LZTFL1: variants seen among roughly 807,000 people sequenced by gnomAD.
LZTFL1 encodes leucine zipper transcription factor-like protein 1.
LZTFL1 carries 25 observed loss-of-function variants against 45.9 expected under a neutral mutation model. That is an observed-to-expected ratio of 0.54 (90% CI 0.40 to 0.76). The LOEUF is 0.76. Among genes scored for constraint, LZTFL1 ranks in the 30% least tolerant of loss-of-function variants. The probability of loss-of-function intolerance (pLI) is 0.00; values close to 1 mark genes in which losing one functional copy is unlikely to be tolerated. For synonymous variants in LZTFL1, 93 were observed against 117.4 expected (o/e 0.79, Z 1.35); for missense variants, 277 against 331.1 (o/e 0.84, Z 1.27).
upstream of LZTFL1, among the ~76,000 whole-genome samples, chr3:45,844,945 C>G (rs1436453432): frequency 2.6e-5 from 4 of 152,146 alleles, no homozygotes; most frequent in Admixed American, 2.6e-4. Context: ...ATTACTTAGC[C>G]CAAATGATAG....
intron 2 of LZTFL1, among the ~76,000 whole-genome samples, chr3:45,879,740 A>T (rs1701817803): frequency 6.6e-6 from 1 of 152,330 alleles, no homozygotes; most frequent in South Asian, 2.1e-4. Flanking sequence ...GGAAGGTGGC[A>T]CATGTGCTGC....
chr3:45,857,497 G>A (rs912460114), intron 3 of LZTFL1, among the ~76,000 whole-genome samples: 3 of 152,108 alleles, frequency 2.0e-5, no homozygotes, highest in African/African-American at 4.8e-5. Context: ...AAACCTGCAC[G>A]TCCCAGGACT....
At chr3:45,839,966 G>A (rs1050293842) in intron 1 of LZTFL1, among the ~76,000 whole-genome samples, 12 of 152,082 alleles carry the variant, frequency 7.9e-5, no homozygotes, top group African/African-American at 2.4e-4. Context: ...CTTTGGTACC[G>A]TCACAGGCTG....
chr3:45,851,840 AT>A (rs35655700), intron 4 of LZTFL1, among the ~76,000 whole-genome samples: 4 of 148,864 alleles, frequency 2.7e-5, no homozygotes, highest in Non-Finnish European at 3.0e-5. Context: ...CCTGTCTCTC[AT>A]TTTTTTTTTG....
chr3:45,905,173 AGTAAGTACC>A (rs1702656376), intron 2 of LZTFL1, among the ~76,000 whole-genome samples: 1 of 152,214 alleles, frequency 6.6e-6, no homozygotes, highest in East Asian at 1.9e-4. Flanking sequence ...GTGTGTGGTT[AGTAAGTACC>A]ACAGCCTTAG....
At chr3:45,887,138 C>T (rs895031082) in intron 2 of LZTFL1, among the ~76,000 whole-genome samples, 1 of 152,040 alleles carries the variant, frequency 6.6e-6, no homozygotes, top group Non-Finnish European at 1.5e-5. Flanking sequence ...TTCTATGATA[C>T]GGTTCTATGT....
rs558518484 is a variant in LZTFL1, at chr3:45,852,439, A to G, written c.-49+2547T>C. Among the ~76,000 whole-genome samples, 151 of 152,270 alleles carry G rather than the reference A, an allele frequency of 9.9e-4. 1 individual carries two copies. The highest frequency in any genetic ancestry group is 3.6e-3 in the African/African-American group (148 of 41,550). On this transcript the variant is annotated intron_variant, in intron 4 of 4. Transcript: ENST00000472635. The stretch of plus-strand genomic sequence containing the variant: ...AGTTTAAATGATCCTCTTATGGGGG[A>G]CTGACTAAATGAATTATGGAGCAAT...
intron 2 of LZTFL1, among the ~76,000 whole-genome samples, chr3:45,863,616 G>C (rs1701530110): frequency 6.6e-6 from 1 of 152,172 alleles, no homozygotes; most frequent in Non-Finnish European, 1.5e-5. Flanking sequence ...CTGTGACGCA[G>C]TCTAGCCAAA....
chr3:45,900,101 C>T lies in LZTFL1; in HGVS notation c.-215+13019G>A, dbSNP rs1299081878. 6.6e-6 allele frequency among the ~76,000 whole-genome samples: 1 copy of T among 152,080 alleles called. No homozygotes were observed. The highest frequency in any genetic ancestry group is 6.5e-5 in the Admixed American group (1 of 15,270). The stretch of plus-strand genomic sequence containing the variant: ...TGGGGCCAGCTTCATGGCTGTGCAA[C>T]CCACACAGTCACATAGGGGCCCTGT... On this transcript the variant is annotated intron_variant, in intron 2 of 4. Coordinates refer to the LZTFL1 transcript ENST00000472635. The surrounding 1 kb of genome is among the most constrained non-coding windows in gnomAD (Gnocchi z 4.7).
intron 5 of LZTFL1, among the ~76,000 whole-genome samples, chr3:45,831,965 G>A (rs917801696): frequency 2.0e-5 from 3 of 152,106 alleles, no homozygotes; most frequent in Non-Finnish European, 4.4e-5. Context: ...GCCGGGCACG[G>A]TGGCTCACAC....
chr3:45,881,899 T>G lies in LZTFL1; in HGVS notation c.-214-22883A>C, dbSNP rs979039022. 5.3e-5 allele frequency among the ~76,000 whole-genome samples: 8 copies of G among 152,374 alleles called. No homozygotes were observed. In the South Asian group the frequency reaches 1.7e-3, roughly 32 times the overall value. ...TATTAGCTGCTGAATAGCAGGTTGG[T>G]CTGGACCTGTACAATCCACTAGGGT... On this transcript the variant is annotated intron_variant, in intron 2 of 4. Coordinates refer to the LZTFL1 transcript ENST00000472635.
intron 2 of LZTFL1, among the ~76,000 whole-genome samples, chr3:45,867,389 GTCCTTGGC>G (rs1376561537): frequency 6.6e-6 from 1 of 152,006 alleles, no homozygotes; most frequent in Non-Finnish European, 1.5e-5. Context: ...TGCCAGAACT[GTCCTTGGC>G]TCCTGCCAAA....
At chr3:45,829,994 A>G (rs1700773273) in intron 7 of LZTFL1, among the ~76,000 whole-genome samples, 1 of 152,234 alleles carries the variant, frequency 6.6e-6, no homozygotes, top group Non-Finnish European at 1.5e-5. Context: ...TCAAAAAAAC[A>G]TGGCTGGTGG....
intron 4 of LZTFL1, among the ~76,000 whole-genome samples, chr3:45,853,429 G>A (rs761162265): frequency 9.9e-5 from 15 of 152,276 alleles, no homozygotes; most frequent in Admixed American, 4.6e-4. Flanking sequence ...ATTATCATTC[G>A]TGGTTTACTA....
At chr3:45,833,377 T>C (rs551663017) in intron 4 of LZTFL1, among the ~76,000 whole-genome samples, 14 of 152,094 alleles carry the variant, frequency 9.2e-5, no homozygotes, top group African/African-American at 1.2e-4. Context: ...TAAAAATATA[T>C]AGATAGAAGG....
chr3:45,891,962 C>T (rs772657912), intron 2 of LZTFL1, among the ~76,000 whole-genome samples: 4 of 152,168 alleles, frequency 2.6e-5, no homozygotes, highest in African/African-American at 4.8e-5. Flanking sequence ...CACTGGTTTG[C>T]TTCCATGTTG....
At position 45,876,467 on chromosome 3, in the gene LZTFL1, G is replaced by A. The variant is rs534648532; in HGVS notation, c.-214-17451C>T. 6.6e-5 allele frequency among the ~76,000 whole-genome samples: 10 copies of A among 152,300 alleles called. No homozygotes were observed. The South Asian group carries it at 2.1e-3, about 32-fold the overall frequency. ...CTATTAGTGTCCCTGTTTTACAAAA[G>A]AGAAATCTGAGGCTCTGAGACACAG... On this transcript the variant is annotated intron_variant, in intron 2 of 4. Coordinates refer to the LZTFL1 transcript ENST00000472635.
At position 45,824,727 on chromosome 3, in the gene LZTFL1, T is replaced by G. The variant is rs562455178; in HGVS notation, c.*1587A>C. 1 of 397,808 alleles carries G rather than the reference T, an allele frequency of 2.5e-6. No homozygotes were observed. Among genetic ancestry groups the G allele is most frequent in the South Asian group, 1.3e-4 (1 of 7,824 alleles). The allele number at this position is 397,808 out of a possible 1,614,324, so 24.6% of individuals were successfully genotyped here. ...TAGCCCTTTAGCCAAGAGTTCTGCT[T>G]CTGAATTACATAGAACATCTTGGTC... On this transcript the variant is annotated 3_prime_UTR_variant, in exon 10 of 10. Coordinates refer to ENST00000296135, the MANE Select transcript of LZTFL1 (RefSeq NM_020347.4).
intron 5 of LZTFL1, among the ~76,000 whole-genome samples, chr3:45,831,809 G>A (rs745791880): frequency 2.6e-5 from 4 of 152,072 alleles, no homozygotes; most frequent in Non-Finnish European, 5.9e-5. Context: ...CTTTACCCAA[G>A]AGCCTGTTCT....
Sources: allele counts gnomAD v4.1 joint callset (sites outside exome capture counted in the v4.1 genomes callset), GRCh38; gene constraint gnomAD v4.1.1; non-coding constraint Gnocchi (gnomAD v3.1); transcripts MANE v1.5; gene names NCBI Gene and HGNC (gene_info 2026-07-23, HGNC 2026-07-21).